The following SLC39A11 variants were observed in gnomAD, a reference collection of about 807,000 sequenced individuals.
The protein encoded by SLC39A11 is zinc transporter ZIP11.
SLC39A11 carries 33 observed loss-of-function variants against 36.1 expected under a neutral mutation model. The ratio of observed to expected loss-of-function variants is 0.91; its 90% CI spans 0.69 to 1.22. The LOEUF (loss-of-function observed/expected upper bound fraction) is 1.22, where lower values mean the gene tolerates loss of function less well. Ranked by LOEUF, SLC39A11 falls within the 50% of genes most tolerant of loss-of-function variation. The pLI is 0.00. For missense variants in SLC39A11, 432 were observed against 430.3 expected, an observed-to-expected ratio of 1.00 and a Z score of -0.03; for synonymous variants, 166 against 170.3, an observed-to-expected ratio of 0.97 and a Z score of 0.20.
intron 4 of SLC39A11, among the ~76,000 whole-genome samples, chr17:73,004,140 G>GAAGAAAGA (rs1229461006): frequency 0.012 from 1,297 of 105,098 alleles, 26 homozygotes; most frequent in Middle Eastern, 0.018. Context: ...GGAAAGAAAG[G>GAAGAAAGA]AAGAAAGAAA....
chr17:72,927,078 C>T (rs2084092610), intron 5 of SLC39A11, among the ~76,000 whole-genome samples: 1 of 152,030 alleles, frequency 6.6e-6, no homozygotes, highest in Non-Finnish European at 1.5e-5. Flanking sequence ...ACAGAGTCTC[C>T]CTCTGTCGCC....
At chr17:72,889,556 TAAATAAC>T (rs2081617708) in intron 5 of SLC39A11, among the ~76,000 whole-genome samples, 1 of 151,254 alleles carries the variant, frequency 6.6e-6, no homozygotes, top group Non-Finnish European at 1.5e-5. Flanking sequence ...AAAAATACGT[TAAATAAC>T]AAATACTGCT....
intron 3 of SLC39A11, among the ~76,000 whole-genome samples, chr17:73,054,239 G>A (rs1009391775): frequency 1.2e-4 from 19 of 152,038 alleles, no homozygotes; most frequent in Admixed American, 5.2e-4. Flanking sequence ...GCGCATGCCT[G>A]TAGTCCCAGC....
At chr17:72,946,009 T>C (rs771177899) in intron 5 of SLC39A11, among the ~76,000 whole-genome samples, 70 of 152,172 alleles carry the variant, frequency 4.6e-4, no homozygotes, top group Non-Finnish European at 1.9e-4. Context: ...ATCAGGATCA[T>C]AAGGTCTTCA....
chr17:72,735,370 T>A (rs1282263264), intron 7 of SLC39A11, among the ~76,000 whole-genome samples: 1 of 152,106 alleles, frequency 6.6e-6, no homozygotes, highest in Non-Finnish European at 1.5e-5. Flanking sequence ...CCACGCAGGC[T>A]TGGTAACCAG....
At chr17:72,918,621 A>G (rs2083462881) in intron 5 of SLC39A11, among the ~76,000 whole-genome samples, 1 of 152,186 alleles carries the variant, frequency 6.6e-6, no homozygotes, top group African/African-American at 2.4e-5. Context: ...TGTCCCTCTC[A>G]ACTGGCCCCA....
chr17:72,942,147 C>A (rs1179108056), intron 5 of SLC39A11, among the ~76,000 whole-genome samples: 1 of 151,796 alleles, frequency 6.6e-6, no homozygotes, highest in Non-Finnish European at 1.5e-5. Flanking sequence ...CCACCTGCCT[C>A]GGCCTCCCAA....
intron 3 of SLC39A11, among the ~76,000 whole-genome samples, chr17:73,054,774 C>T (rs1191112453): frequency 2.0e-5 from 3 of 147,848 alleles, no homozygotes; most frequent in Non-Finnish European, 4.4e-5. Flanking sequence ...TGCCATTGCA[C>T]TCCAGCCTGG....
At chr17:72,696,678 G>C (rs551831150) in intron 7 of SLC39A11, among the ~76,000 whole-genome samples, 13 of 152,158 alleles carry the variant, frequency 8.5e-5, no homozygotes, top group African/African-American at 2.6e-4. Context: ...ACCCCACCAG[G>C]GAACTTCCAA....
At chr17:73,006,400 G>C (rs1007921436) in intron 4 of SLC39A11, among the ~76,000 whole-genome samples, 3 of 152,122 alleles carry the variant, frequency 2.0e-5, no homozygotes, top group Non-Finnish European at 4.4e-5. Flanking sequence ...GTTTTGTACA[G>C]CCCACGAGCT....
At chr17:72,876,879 A>G (rs1162748641) in intron 5 of SLC39A11, among the ~76,000 whole-genome samples, 1 of 152,170 alleles carries the variant, frequency 6.6e-6, no homozygotes, top group Admixed American at 6.5e-5. Flanking sequence ...GCAGCAAGCA[A>G]CAAGACCTAG....
intron 6 of SLC39A11, among the ~76,000 whole-genome samples, chr17:72,774,704 C>G (rs1484350528): frequency 6.6e-6 from 1 of 152,066 alleles, no homozygotes; most frequent in African/African-American, 2.4e-5. Flanking sequence ...ACAAATGGGC[C>G]CCATTTGCTA....
intron 7 of SLC39A11, among the ~76,000 whole-genome samples, chr17:72,701,744 AAAG>A (rs2072638264): frequency 2.0e-5 from 3 of 150,606 alleles, no homozygotes; most frequent in East Asian, 1.9e-4. Context: ...AAAAAAAAAA[AAAG>A]AAAAAGAGAA....
chr17:72,691,318 ACC>A (rs2072016339), intron 7 of SLC39A11, among the ~76,000 whole-genome samples: 3 of 152,028 alleles, frequency 2.0e-5, no homozygotes, highest in Non-Finnish European at 2.9e-5. Context: ...AATTCTCTGC[ACC>A]TGTTTCTTTC....
intron 5 of SLC39A11, among the ~76,000 whole-genome samples, chr17:72,878,136 A>G (rs910514582): frequency 3.9e-5 from 6 of 152,024 alleles, no homozygotes; most frequent in Admixed American, 3.9e-4. Context: ...ATGTCCCTAC[A>G]AAGGACATGA....
At chr17:72,834,666 G>T (rs2145765426) in intron 6 of SLC39A11, among the ~76,000 whole-genome samples, 1 of 108,878 alleles carries the variant, frequency 9.2e-6, no homozygotes, top group African/African-American at 3.1e-5. Context: ...TAAAATAAAA[G>T]ATTGTATTAA....
intron 5 of SLC39A11, among the ~76,000 whole-genome samples, chr17:72,890,026 G>A (rs746979489): frequency 1.3e-5 from 2 of 152,000 alleles, no homozygotes; most frequent in East Asian, 1.9e-4. Context: ...TTGGGAGGCC[G>A]AGGGTGGCAG....
rs1015947305 is a variant in SLC39A11, at chr17:73,024,168, G to A, written c.306+7388C>T. Among the ~76,000 whole-genome samples, 7 of 152,314 alleles carry A rather than the reference G, an allele frequency of 4.6e-5. 1 individual carries two copies. Among genetic ancestry groups the A allele is most frequent in the Admixed American group, 3.3e-4 (5 of 15,302 alleles). ...TGGGGCTGCCCAATCCACCCAACATGCCACCCTCTTCAGATGGCACAACTG... is the reference window on the plus strand; with the variant it reads ...TGGGGCTGCCCAATCCACCCAACATACCACCCTCTTCAGATGGCACAACTG... On this transcript the variant is annotated intron_variant, in intron 4 of 9. Transcript: ENST00000255559.
At chr17:72,946,289 A>C (rs1037729864) in intron 5 of SLC39A11, among the ~76,000 whole-genome samples, 1 of 152,198 alleles carries the variant, frequency 6.6e-6, no homozygotes, top group African/African-American at 2.4e-5. Context: ...CATTGGATGA[A>C]ATTTTTATTT....
Sources: allele counts gnomAD v4.1 joint callset (sites outside exome capture counted in the v4.1 genomes callset), GRCh38; gene constraint gnomAD v4.1.1; transcripts MANE v1.5; gene names NCBI Gene and HGNC (gene_info 2026-07-23, HGNC 2026-07-21).